The following SYNJ1 variants were observed in gnomAD, a reference collection of about 807,000 sequenced individuals.
SYNJ1 encodes polyphosphatidylinositol phosphatase SYNJ1.
Under a neutral mutation model 168.2 loss-of-function variants are expected in SYNJ1, and 78 were observed. The ratio of observed to expected loss-of-function variants is 0.46; its 90% CI spans 0.39 to 0.56. The LOEUF is 0.56. Ranked by LOEUF, SYNJ1 falls within the 20% of genes least tolerant of loss-of-function variation. The probability of loss-of-function intolerance (pLI) is 0.00; values close to 1 mark genes in which losing one functional copy is unlikely to be tolerated. For missense variants in SYNJ1, 1,303 were observed against 1,597.6 expected (o/e 0.82, Z 3.14); for synonymous variants, 539 against 548.6 (o/e 0.98, Z 0.24).
At chr21:32,635,233 A>G (rs1329920162) in intron 31 of SYNJ1, among the ~76,000 whole-genome samples, 2 of 152,178 alleles carry the variant, frequency 1.3e-5, no homozygotes, top group Non-Finnish European at 2.9e-5. Flanking sequence ...TCATATGTTG[A>G]TTCCATAAGC....
At chr21:32,649,746 ATTTGT>A (rs201375051) in intron 23 of SYNJ1, among the ~76,000 whole-genome samples, 11 of 152,212 alleles carry the variant, frequency 7.2e-5, no homozygotes, top group African/African-American at 2.6e-4. Context: ...TGTGAAATAA[ATTTGT>A]TTTGTTTTGT....
In SYNJ1 at chr21:32,659,237, A is replaced by C. The variant is rs374491015; in HGVS notation, c.2305-1365T>G. 7.2e-5 allele frequency among the ~76,000 whole-genome samples: 11 copies of C among 152,148 alleles called. 1 individual carries two copies. The highest frequency in any genetic ancestry group is 2.6e-4 in the African/African-American group (11 of 41,552). On this transcript the variant is annotated intron_variant, in intron 18 of 32. Coordinates refer to ENST00000674351, the MANE Select transcript of SYNJ1 (RefSeq NM_203446.3). ...ACCCAAAAAAAAAACAGCCCTAAAG[A>C]TGAAGATTCTAAACTATCACCAAGG...
chr21:32,724,981 T>C (rs2043393227), intron 2 of SYNJ1, among the ~76,000 whole-genome samples: 1 of 152,226 alleles, frequency 6.6e-6, no homozygotes, highest in African/African-American at 2.4e-5. Flanking sequence ...TGCACATTAA[T>C]GCCAAAATAA....
intron 6 of SYNJ1, among the ~76,000 whole-genome samples, chr21:32,692,665 C>T (rs1051725459): frequency 1.2e-4 from 18 of 152,318 alleles, no homozygotes; most frequent in African/African-American, 4.3e-4. Context: ...AGAAGGAAGG[C>T]ACAAGGAAGT....
intron 14 of SYNJ1, chr21:32,670,619 A>T (rs2145958811): frequency 3.2e-6 from 1 of 317,216 alleles, no homozygotes; most frequent in African/African-American, 2.3e-5. Context: ...TTCAGAATTC[A>T]CTTTGAAAAA....
intron 32 of SYNJ1, 117 bp from the exon 33 acceptor site, chr21:32,631,918 A>G: frequency 1.0e-6 from 1 of 976,224 alleles, no homozygotes; most frequent in Non-Finnish European, 1.5e-6. Context: ...TAGAAACTAA[A>G]AAGTAGCTTT....
At chr21:32,714,117 T>A (rs983417813) in intron 2 of SYNJ1, among the ~76,000 whole-genome samples, 2 of 152,150 alleles carry the variant, frequency 1.3e-5, no homozygotes, top group Non-Finnish European at 2.9e-5. Context: ...CTTATTATTT[T>A]AAAAAAATAC....
intron 9 of SYNJ1, 151 bp downstream of exon 9, chr21:32,685,597 T>C: frequency 2.1e-6 from 1 of 473,440 alleles, no homozygotes; most frequent in Non-Finnish European, 2.9e-6. Context: ...AGGCCCTATT[T>C]CAAAATAATA....
Position 32,650,202 on chromosome 21 carries a change from C to T in SYNJ1, c.3019G>A (p.Ala1007Thr). ...TLLGEDAEVA[A>T]DFDMEGDVDD... ...AACAAACCTTCCATATCAAAATCTGCTGCAACCTCTGCATCTTCACCAAGC... is the reference window on the plus strand; with the variant it reads ...AACAAACCTTCCATATCAAAATCTGTTGCAACCTCTGCATCTTCACCAAGC... The change falls in exon 23 of 33, where the codon GCA (alanine) becomes ACA (threonine). Residue 1007 changes from alanine (A) to threonine (T), a missense_variant. Physicochemically the swap from Ala to Thr is moderately conservative, Grantham distance 58. Transcript: ENST00000674351. 6.2e-7 allele frequency: 1 copy of T among 1,606,166 alleles called. No individual in the cohort carries two copies. The highest frequency in any genetic ancestry group is 8.5e-7 in the Non-Finnish European group (1 of 1,177,852).
chr21:32,690,694 C>A (rs1402210482), intron 6 of SYNJ1, among the ~76,000 whole-genome samples: 1 of 151,340 alleles, frequency 6.6e-6, no homozygotes, highest in Admixed American at 6.6e-5. Context: ...AGTTCGAGAC[C>A]AGCGGATCAC....
intron 18 of SYNJ1, among the ~76,000 whole-genome samples, chr21:32,659,550 C>T (rs149456244): frequency 2.6e-4 from 39 of 152,230 alleles, no homozygotes; most frequent in African/African-American, 8.2e-4. Flanking sequence ...AGATTTCAGG[C>T]CTGTATGGAA....
At position 32,646,381 on chromosome 21, in the gene SYNJ1, T is replaced by C. The variant is rs2040069852; in HGVS notation, c.3247+12A>G. 6.2e-7 allele frequency: 1 copy of C among 1,609,228 alleles called. No individual in the cohort carries two copies. Among genetic ancestry groups the C allele is most frequent in the African/African-American group, 1.3e-5 (1 of 74,738 alleles). On this transcript the variant is annotated intron_variant, in intron 24 of 32. Coordinates refer to ENST00000674351, the MANE Select transcript of SYNJ1 (RefSeq NM_203446.3). ...CAGGAAGCCATACAAAACTTTCAAATAAAATGCATACTCTGTGCACTGGGA... is the reference window on the plus strand; with the variant it reads ...CAGGAAGCCATACAAAACTTTCAAACAAAATGCATACTCTGTGCACTGGGA...
intron 29 of SYNJ1, among the ~76,000 whole-genome samples, 194 bp from the exon 30 acceptor site, chr21:32,639,973 A>C (rs2039759712): frequency 6.6e-6 from 1 of 152,220 alleles, no homozygotes. Flanking sequence ...CTGACTATTT[A>C]CTATGTGCCA....
chr21:32,643,378 G>C (rs1043898543), intron 27 of SYNJ1, 32 bp downstream of exon 27: 2 of 1,611,290 alleles, frequency 1.2e-6, no homozygotes, highest in African/African-American at 2.7e-5. Context: ...TAAAATGAGA[G>C]AACCACTTCT....
rs753527253 is a variant in SYNJ1 at position 32,695,114 on chromosome 21, A to C, written c.648T>G (p.Phe216Leu). ...RLSCERAGTR[F>L]NVRGTNDDGH... ...CATCATCATTTGTTCCCCGGACATT[A>C]AACCTGGTCCCAGCTCGTTCACAGC... Residue 216 changes from phenylalanine (F) to leucine (L), a missense_variant, in exon 5 of 33, where the codon TTT (phenylalanine) becomes TTG (leucine). By Grantham distance (22) the Phe-to-Leu change is conservative. This residue lies in a region of SYNJ1 where 920 missense variants were observed against 1,208.8 expected (regional missense o/e 0.76). Coordinates refer to ENST00000674351, the MANE Select transcript of SYNJ1 (RefSeq NM_203446.3). 6.2e-7 allele frequency: 1 copy of C among 1,614,174 alleles called. No homozygotes were observed. The highest frequency in any genetic ancestry group is 1.1e-5 in the South Asian group (1 of 91,090).
chr21:32,664,507 A>C (rs966917742), intron 18 of SYNJ1, among the ~76,000 whole-genome samples: 1 of 108,834 alleles, frequency 9.2e-6, no homozygotes, highest in Non-Finnish European at 2.0e-5. Context: ...CATCGTGAAA[A>C]TCCCTGTCCT....
chr21:32,635,182 C>T (rs1400445697), intron 31 of SYNJ1, among the ~76,000 whole-genome samples: 1 of 152,020 alleles, frequency 6.6e-6, no homozygotes, highest in African/African-American at 2.4e-5. Flanking sequence ...TTTAAGCAAC[C>T]TGTTATGGAC....
chr21:32,669,000 A>G (rs531924863), intron 15 of SYNJ1, among the ~76,000 whole-genome samples: 42 of 152,200 alleles, frequency 2.8e-4, no homozygotes, highest in Admixed American at 7.2e-4. Context: ...GGAAAAAAAA[A>G]ATGCCACTTC....
At chr21:32,720,510 T>C (rs1360079330) in intron 2 of SYNJ1, among the ~76,000 whole-genome samples, 2 of 152,170 alleles carry the variant, frequency 1.3e-5, no homozygotes, top group East Asian at 1.9e-4. Flanking sequence ...ACTTATGTTG[T>C]AAGAAAAAAT....
Sources: gnomAD v4.1 joint callset for allele counts (sites outside exome capture counted in the v4.1 genomes callset) on GRCh38, gnomAD v4.1.1 for gene constraint, gnomAD v4.1.1 regional missense constraint, MANE v1.5 for transcripts, NCBI Gene and HGNC (gene_info 2026-07-23, HGNC 2026-07-21) for gene names.